Variants in GCKR observed in about 807,000 individuals in gnomAD.
The protein encoded by GCKR is glucokinase regulator.
Under a neutral mutation model 82.9 loss-of-function variants are expected in GCKR, and 73 were observed. That is an observed-to-expected ratio of 0.88 (90% CI 0.73 to 1.07). GCKR has a LOEUF of 1.07. Ranked by LOEUF, GCKR falls within the 50% of genes least tolerant of loss-of-function variation. The pLI, the probability that GCKR is intolerant of heterozygous loss-of-function variation, is 0.00. For missense variants in GCKR, 784 were observed against 782.1 expected (o/e 1.00, Z -0.03); for synonymous variants, 294 against 291.8 (o/e 1.01, Z -0.08).
intron 15 of GCKR, 30 bp from the exon 16 acceptor site, chr2:27,508,138 C>T (rs902793679): frequency 1.9e-6 from 3 of 1,584,594 alleles, no homozygotes; most frequent in Admixed American, 1.7e-5. Flanking sequence ...CCTGGAGATG[C>T]CTCTCCTGCT....
At chr2:27,518,999 A>G in intron 17 of GCKR, 62 bp downstream of exon 17, 1 of 1,470,694 alleles carries the variant, frequency 6.8e-7, no homozygotes, top group South Asian at 1.1e-5. Flanking sequence ...CTGCCAGAGG[A>G]GGGCATTTTG....
Position 27,503,549 on chromosome 2 carries a change from G to T in GCKR, c.680G>T (p.Arg227Leu), listed in dbSNP as rs375163166. 1.2e-6 allele frequency: 2 copies of T among 1,609,770 alleles called. No homozygotes were observed. Among genetic ancestry groups the T allele is most frequent in the African/African-American group, 2.7e-5 (2 of 74,792 alleles). Residue 227 changes from arginine (R) to leucine (L), a missense_variant, in exon 9 of 19, where the codon CGA (arginine) becomes CTA (leucine). By Grantham distance (102) the Arg-to-Leu change is moderately radical. Coordinates refer to ENST00000264717, the MANE Select transcript of GCKR (RefSeq NM_001486.4). ...DPIEDWSSTF[R>L]QVAERMQKMQ... ...ATTGAAGACTGGAGTTCAACATTCC[G>T]ACAAGTAGCAGAGCGGATGCAGAAA...
chr2:27,499,080 C>T (rs1033463558), intron 5 of GCKR, 62 bp from the exon 6 acceptor site: 6 of 973,644 alleles, frequency 6.2e-6, no homozygotes, highest in African/African-American at 1.6e-5. Context: ...GTAGCCTGCC[C>T]TAATACGCCA....
Position 27,523,554 on chromosome 2 carries a change from A to G in GCKR, c.*115A>G, listed in dbSNP as rs1216373287. 1.5e-5 allele frequency: 15 copies of G among 1,008,802 alleles called. No homozygotes were observed. The highest frequency in any genetic ancestry group is 2.3e-5 in the Non-Finnish European group (15 of 654,484). 62.5% of individuals were successfully genotyped at this position (1,008,802 alleles called of 1,614,324 possible). A position where few individuals can be genotyped will look rare whatever the true frequency, so the allele number is the denominator to read the frequency against. ...GAGGAAGAAGCCCCGTTTCCAGGGC[A>G]TCCGCAGCCCAGGGTAGGGAGAAAT... On this transcript the variant is annotated 3_prime_UTR_variant, in exon 19 of 19. Coordinates refer to ENST00000264717, the MANE Select transcript of GCKR (RefSeq NM_001486.4).
At chr2:27,497,461 C>T in intron 2 of GCKR, 62 bp downstream of exon 2, 4 of 1,593,378 alleles carry the variant, frequency 2.5e-6, no homozygotes, top group Non-Finnish European at 3.4e-6. Context: ...CCCACCTCTG[C>T]TCTCCCTCAC....
intron 6 of GCKR, 80 bp downstream of exon 6, chr2:27,499,288 C>G: frequency 7.3e-7 from 1 of 1,362,802 alleles, no homozygotes; most frequent in Non-Finnish European, 1.1e-6. Flanking sequence ...AGCATTCAGC[C>G]AAAGCCTATT....
chr2:27,510,104 G>A (rs1414700922), intron 16 of GCKR, among the ~76,000 whole-genome samples: 1 of 151,792 alleles, frequency 6.6e-6, no homozygotes, highest in African/African-American at 2.4e-5. Context: ...TGTCTCCCAG[G>A]TTCACGCCAT....
At chr2:27,506,406 C>G (rs183488500) in intron 10 of GCKR, 75 bp from the exon 11 acceptor site, 4 of 964,052 alleles carry the variant, frequency 4.1e-6, no homozygotes, top group Middle Eastern at 2.6e-4. Flanking sequence ...GCCTTCACCT[C>G]CCCGCTCAGG....
At chr2:27,507,916 G>T in intron 14 of GCKR, 61 bp from the exon 15 acceptor site, 2 of 1,280,502 alleles carry the variant, frequency 1.6e-6, no homozygotes, top group South Asian at 2.4e-5. Flanking sequence ...CCCAGCCAGG[G>T]GAGCAGGAGG....
chr2:27,505,839 A>G lies in GCKR; in HGVS notation c.869+3A>G. 6.9e-7 allele frequency: 1 copy of G among 1,441,414 alleles called. No homozygotes were observed. Among genetic ancestry groups the G allele is most frequent in the Non-Finnish European group, 9.8e-7 (1 of 1,022,212 alleles). 89.3% of individuals were successfully genotyped at this position (1,441,414 alleles called of 1,614,324 possible). ...CAGGGCATTGCAGCATCTCAAAGGTAGGGAGGATCTGGATAAGAGAGAGCT... is the reference window on the plus strand; with the variant it reads ...CAGGGCATTGCAGCATCTCAAAGGTGGGGAGGATCTGGATAAGAGAGAGCT... On this transcript the variant is annotated splice_donor_region_variant and intron_variant, in intron 10 of 18. Coordinates refer to ENST00000264717, the MANE Select transcript of GCKR (RefSeq NM_001486.4).
In GCKR at chr2:27,507,795, A is replaced by T; in HGVS notation, c.1240+18A>T. 1 of 1,415,356 alleles carries T rather than the reference A, an allele frequency of 7.1e-7. No individual in the cohort carries two copies. Among genetic ancestry groups the T allele is most frequent in the Middle Eastern group, 1.8e-4 (1 of 5,664 alleles). The allele number at this position is 1,415,356 out of a possible 1,614,324, so 87.7% of individuals were successfully genotyped here. A position where few individuals can be genotyped will look rare whatever the true frequency, so the allele number is the denominator to read the frequency against. ...CCTGGATGGTGAGAGGGAAGATGGGAGTGGTGAGGGGTGGGGAGGGGGAAA... is the reference window on the plus strand; with the variant it reads ...CCTGGATGGTGAGAGGGAAGATGGGTGTGGTGAGGGGTGGGGAGGGGGAAA... On this transcript the variant is annotated intron_variant, in intron 14 of 18. Transcript: ENST00000264717.
chr2:27,518,756 T>C, intron 16 of GCKR, 32 bp from the exon 17 acceptor site: 1 of 1,599,510 alleles, frequency 6.3e-7, no homozygotes, highest in Non-Finnish European at 8.6e-7. Flanking sequence ...GTCCTCTAAT[T>C]TTTGACACCC....
chr2:27,507,849 T>G, intron 14 of GCKR, 72 bp downstream of exon 14: 2 of 1,176,804 alleles, frequency 1.7e-6, no homozygotes, highest in South Asian at 2.4e-5. Context: ...CTGTTGTTTT[T>G]CTGGGTCTTA....
chr2:27,501,581 G>T, intron 8 of GCKR: 1 of 400,156 alleles, frequency 2.5e-6, no homozygotes, highest in Non-Finnish European at 5.0e-6. Flanking sequence ...TTCATATGGG[G>T]GTGAGCCCCA....
Position 27,497,240 on chromosome 2 carries a change from C to T in GCKR, c.61-4C>T, listed in dbSNP as rs779153182. 4 of 1,614,202 alleles carry T rather than the reference C, an allele frequency of 2.5e-6. No individual in the cohort carries two copies. The highest frequency in any genetic ancestry group is 2.2e-5 in the South Asian group (2 of 91,086). On this transcript the variant is annotated splice_polypyrimidine_tract_variant and splice_region_variant and intron_variant, in intron 1 of 18. Transcript: ENST00000264717. ...GCTCCATCCTTGTCCCCTCTTCCTT[C>T]TAGTTGTCTGGGTACGAGGCAGCTG...
In GCKR at chr2:27,501,195, G is replaced by A. The variant is rs181476157; in HGVS notation, c.610G>A (p.Val204Ile). ...GAACAACACAGCTGTCTTCTTGCCA[G>A]TCCTGGTTGGCTTCAATCCAGTGAG... The part of the protein sequence containing the change: ...CMNNTAVFLP[V>I]LVGFNPVSMA... Residue 204 changes from valine (V) to isoleucine (I), a missense_variant, in exon 8 of 19, where the codon GTC (valine) becomes ATC (isoleucine). By Grantham distance (29) the Val-to-Ile change is conservative. Coordinates refer to ENST00000264717, the MANE Select transcript of GCKR (RefSeq NM_001486.4). 5.1e-5 allele frequency: 83 copies of A among 1,613,980 alleles called. No individual in the cohort carries two copies. The African/African-American group carries it at 9.7e-4, about 19-fold the overall frequency.
intron 16 of GCKR, 58 bp from the exon 17 acceptor site, chr2:27,518,730 A>T (rs1670071838): frequency 1.4e-6 from 2 of 1,404,970 alleles, no homozygotes; most frequent in Non-Finnish European, 2.0e-6. Flanking sequence ...GGCCCTGTTC[A>T]CTCTGCTGCT....
Position 27,499,444 on chromosome 2 carries a change from A to G in GCKR, c.543A>G (p.Gly181=), listed in dbSNP as rs777999797. 6.2e-7 allele frequency: 1 copy of G among 1,607,970 alleles called. No individual in the cohort carries two copies. Among genetic ancestry groups the G allele is most frequent in the Non-Finnish European group, 8.5e-7 (1 of 1,174,516 alleles). The part of the protein sequence containing the change: ...KRVIVIGISV[G]LSAPFVAGQM... The stretch of plus-strand genomic sequence containing the variant: ...TGATTGTCATTGGCATTTCTGTGGG[A>G]CTCTCTGTGAGTAAAAAGATGGGTT... Residue 181 remains glycine (G), a synonymous_variant, in exon 7 of 19, where the codon GGA becomes GGG. Coordinates refer to ENST00000264717, the MANE Select transcript of GCKR (RefSeq NM_001486.4).
At chr2:27,515,763 ATATTTTT>A (rs1244263431) in intron 16 of GCKR, among the ~76,000 whole-genome samples, 209 of 127,068 alleles carry the variant, frequency 1.6e-3, no homozygotes, top group African/African-American at 6.1e-3. Flanking sequence ...ATATATATAT[ATATTTTT>A]TTTTTTTTTT....
Sources: gnomAD v4.1 joint callset for allele counts (sites outside exome capture counted in the v4.1 genomes callset) on GRCh38, gnomAD v4.1.1 for gene constraint, MANE v1.5 for transcripts, NCBI Gene and HGNC (gene_info 2026-07-23, HGNC 2026-07-21) for gene names.